The following LEMD1 variants were observed in gnomAD, a reference collection of about 807,000 sequenced individuals.
LEMD1 encodes the protein LEM domain containing 1, also known as LEM domain-containing protein 1.
Under a neutral mutation model 17.4 loss-of-function variants are expected in LEMD1, and 18 were observed. The ratio of observed to expected loss-of-function variants is 1.04; its 90% CI spans 0.72 to 1.54. LEMD1 has a LOEUF of 1.54. Among genes scored for constraint, LEMD1 ranks in the 40% most tolerant of loss-of-function variants. The probability of loss-of-function intolerance (pLI) is 0.00; values close to 1 mark genes in which losing one functional copy is unlikely to be tolerated. For synonymous variants in LEMD1, 88 were observed against 77.8 expected, an observed-to-expected ratio of 1.13 and a Z score of -0.69; for missense variants, 195 against 210.4, an observed-to-expected ratio of 0.93 and a Z score of 0.45.
chr1:205,384,584 G>A (rs1663896860), intron 4 of LEMD1, among the ~76,000 whole-genome samples: 2 of 152,118 alleles, frequency 1.3e-5, no homozygotes, highest in African/African-American at 2.4e-5. Flanking sequence ...ACTCGCATGA[G>A]AACAATACAC....
chr1:205,389,873 C>T (rs1490178555), intron 4 of LEMD1, among the ~76,000 whole-genome samples: 4 of 152,200 alleles, frequency 2.6e-5, no homozygotes, highest in Non-Finnish European at 5.9e-5. Flanking sequence ...GATCTATAAT[C>T]TTAGCAGACT....
chr1:205,439,987 G>A (rs1412025082), intron 1 of LEMD1, among the ~76,000 whole-genome samples: 2 of 152,100 alleles, frequency 1.3e-5, no homozygotes, highest in African/African-American at 4.8e-5. Flanking sequence ...GGAAAAAGTC[G>A]AGGAAGGTCC....
chr1:205,423,573 A>G (rs1224933318), upstream of LEMD1, among the ~76,000 whole-genome samples: 1 of 152,266 alleles, frequency 6.6e-6, no homozygotes, highest in African/African-American at 2.4e-5. Context: ...ATTTCAATCA[A>G]CATCTATGGG....
intron 1 of LEMD1, among the ~76,000 whole-genome samples, chr1:205,434,727 C>T (rs1046332899): frequency 3.3e-5 from 5 of 152,128 alleles, no homozygotes; most frequent in Admixed American, 1.3e-4. Context: ...CACTTTATGT[C>T]CATACTCCTG....
intron 1 of LEMD1, among the ~76,000 whole-genome samples, chr1:205,433,444 G>A (rs1472795572): frequency 1.3e-5 from 2 of 152,150 alleles, no homozygotes; most frequent in African/African-American, 2.4e-5. Flanking sequence ...GCAACAGAGC[G>A]AGACTCTGTC....
At position 205,403,649 on chromosome 1, in the gene LEMD1, C is replaced by A. The variant is rs546208302; in HGVS notation, c.270+12583G>T. Among the ~76,000 whole-genome samples the A allele has an allele frequency of 3.9e-5, 6 of 152,268 alleles. No individual in the cohort carries two copies. The East Asian group carries it at 1.2e-3, about 29-fold the overall frequency. On this transcript the variant is annotated intron_variant, in intron 4 of 5. Coordinates refer to ENST00000367153, the MANE Select transcript of LEMD1 (RefSeq NM_001199050.2). ...CAATTTTGTTGATCCTTTCAAAGAACCAGCTCCTGGATTCATTAATTTTTT... is the reference window on the plus strand; with the variant it reads ...CAATTTTGTTGATCCTTTCAAAGAAACAGCTCCTGGATTCATTAATTTTTT...
At chr1:205,435,921 C>G (rs1042657450) in intron 1 of LEMD1, 1 of 152,258 alleles carries the variant, frequency 6.6e-6, no homozygotes, top group Non-Finnish European at 1.5e-5. Flanking sequence ...ATCACTTTTT[C>G]CCATCCTCAG....
intron 4 of LEMD1, among the ~76,000 whole-genome samples, chr1:205,389,542 C>G (rs1048834442): frequency 6.6e-6 from 1 of 152,116 alleles, no homozygotes; most frequent in Non-Finnish European, 1.5e-5. Context: ...AGTTTCCTAC[C>G]CTTTCTTTCT....
In LEMD1 at chr1:205,399,379, TCA is replaced by T. The variant is rs202172956; in HGVS notation, c.271-15017_271-15016del. On this transcript the variant is annotated intron_variant, in intron 4 of 5. Coordinates refer to ENST00000367153, the MANE Select transcript of LEMD1 (RefSeq NM_001199050.2). ...ATTGCAATTGGAGATAAATAGAAAC[TCA>T]CAGTTTTTAATTTACATAAAAATAG... Among the ~76,000 whole-genome samples the T allele has an allele frequency of 9.9e-5, 15 of 152,198 alleles. No homozygotes were observed. In the East Asian group the frequency reaches 2.1e-3, roughly 22 times the overall value.
chr1:205,442,148 C>A lies in LEMD1; in HGVS notation c.-39+7720G>T, dbSNP rs1049035957. 2.6e-5 allele frequency among the ~76,000 whole-genome samples: 4 copies of A among 152,158 alleles called. No homozygotes were observed. The East Asian group carries it at 5.8e-4, about 22-fold the overall frequency. ...AGAACAAAGGAAGGAAAGCGCCCTG[C>A]GTGGAGGTCAGGCCGGGGCCTGGTC... On this transcript the variant is annotated intron_variant, in intron 1 of 3. Transcript: ENST00000367154.
intron 2 of LEMD1, among the ~76,000 whole-genome samples, chr1:205,419,765 C>T (rs182517849): frequency 1.7e-3 from 264 of 152,284 alleles, no homozygotes; most frequent in African/African-American, 6.0e-3. Flanking sequence ...TGCGCCCTGC[C>T]CAATTACGGC....
At chr1:205,414,357 A>G (rs941958089) in intron 4 of LEMD1, among the ~76,000 whole-genome samples, 22 of 151,532 alleles carry the variant, frequency 1.5e-4, no homozygotes, top group Non-Finnish European at 2.6e-4. Context: ...CCAAGGCAAG[A>G]GGATCACTCG....
chr1:205,383,783 G>C (rs1198510310), intron 5 of LEMD1, among the ~76,000 whole-genome samples: 2 of 151,694 alleles, frequency 1.3e-5, no homozygotes, highest in African/African-American at 4.8e-5. Flanking sequence ...ACAGGCGCAT[G>C]CCACCACGTC....
At chr1:205,445,485 C>T (rs1666372876) in intron 1 of LEMD1, among the ~76,000 whole-genome samples, 1 of 152,258 alleles carries the variant, frequency 6.6e-6, no homozygotes, top group African/African-American at 2.4e-5. Context: ...TCTCTGGAAT[C>T]ACAGGCCAAG....
At chr1:205,399,681 A>G (rs1229282981) in intron 4 of LEMD1, among the ~76,000 whole-genome samples, 2 of 152,268 alleles carry the variant, frequency 1.3e-5, no homozygotes, top group African/African-American at 4.8e-5. Context: ...CACAGTATCT[A>G]TCTTGAAGGG....
At chr1:205,421,912 A>G (rs1472744546) in intron 1 of LEMD1, 78 bp downstream of exon 1, 1 of 152,244 alleles carries the variant, frequency 6.6e-6, no homozygotes, top group Non-Finnish European at 1.5e-5. Context: ...AAGTGGCACT[A>G]GACAATTGCC....
chr1:205,396,634 T>C (rs1469444158), intron 4 of LEMD1, among the ~76,000 whole-genome samples: 1 of 152,222 alleles, frequency 6.6e-6, no homozygotes, highest in Non-Finnish European at 1.5e-5. Flanking sequence ...CTACCAATAA[T>C]GACCATGTAA....
At chr1:205,383,926 G>A (rs1337831574) in intron 5 of LEMD1, among the ~76,000 whole-genome samples, 1 of 150,578 alleles carries the variant, frequency 6.6e-6, no homozygotes, top group African/African-American at 2.4e-5. Flanking sequence ...AAGAGCCACC[G>A]CACCCGGCCT....
chr1:205,395,783 A>G (rs938968207), intron 4 of LEMD1, among the ~76,000 whole-genome samples: 2 of 152,174 alleles, frequency 1.3e-5, no homozygotes, highest in Non-Finnish European at 2.9e-5. Context: ...GCTTCTATAA[A>G]TTAAAAAGAA....
Sources: gnomAD v4.1 joint callset for allele counts (sites outside exome capture counted in the v4.1 genomes callset) on GRCh38, gnomAD v4.1.1 for gene constraint, MANE v1.5 for transcripts, NCBI Gene and HGNC (gene_info 2026-07-23, HGNC 2026-07-21) for gene names.